The following MAGI1 variants were observed in gnomAD, a reference collection of about 807,000 sequenced individuals.
MAGI1 encodes the protein membrane-associated guanylate kinase, WW and PDZ domain-containing protein 1.
Under a neutral mutation model 139.9 loss-of-function variants are expected in MAGI1, and 58 were observed. That is an observed-to-expected ratio of 0.41 (90% CI 0.34 to 0.52). MAGI1 has a LOEUF of 0.52. MAGI1 is among the 20% of genes least tolerant of loss of function. The pLI, the probability that MAGI1 is intolerant of heterozygous loss-of-function variation, is 0.12. For missense variants in MAGI1, 1,874 were observed against 1,901.6 expected, an observed-to-expected ratio of 0.99 and a Z score of 0.27; for synonymous variants, 812 against 737.9, an observed-to-expected ratio of 1.10 and a Z score of -1.63.
At chr3:65,470,036 T>C (rs1439654238) in intron 5 of MAGI1, 1 of 217,692 alleles carries the variant, frequency 4.6e-6, no homozygotes, top group Non-Finnish European at 9.0e-6. Context: ...AATTTCTATA[T>C]ACCATAATTT....
intron 5 of MAGI1, among the ~76,000 whole-genome samples, chr3:65,467,721 C>G (rs1950259012): frequency 6.6e-6 from 1 of 152,160 alleles, no homozygotes; most frequent in Non-Finnish European, 1.5e-5. Context: ...CAGTCTTGAA[C>G]AAAATTACTG....
At chr3:65,886,031 AC>A (rs1427213822) in intron 1 of MAGI1, among the ~76,000 whole-genome samples, 2 of 152,170 alleles carry the variant, frequency 1.3e-5, no homozygotes, top group Non-Finnish European at 1.5e-5. Context: ...ATATTATCTA[AC>A]TATGCAAACA....
chr3:65,438,732 G>A (rs1411309269), intron 9 of MAGI1, among the ~76,000 whole-genome samples: 3 of 152,222 alleles, frequency 2.0e-5, no homozygotes, highest in Admixed American at 1.3e-4. Context: ...TGGTTGAAAA[G>A]TAATAAAAAG....
rs532340204 is a variant in MAGI1 at position 65,410,784 on chromosome 3, G to T, written c.2168-9314C>A. On this transcript the variant is annotated intron_variant, in intron 12 of 22. Coordinates refer to ENST00000402939, the MANE Select transcript of MAGI1 (RefSeq NM_001033057.2). ...TCACTGGTCATTCAAGGCTACACAT[G>T]CTAAAAATACAACGAGATCAGTCTC... Among the ~76,000 whole-genome samples the T allele has an allele frequency of 8.8e-5, 13 of 147,408 alleles. No individual in the cohort carries two copies. In the East Asian group the frequency reaches 1.7e-3, roughly 20 times the overall value.
At chr3:65,808,689 G>A (rs1343353126) in intron 1 of MAGI1, among the ~76,000 whole-genome samples, 3 of 152,072 alleles carry the variant, frequency 2.0e-5, no homozygotes, top group South Asian at 2.1e-4. Context: ...AGACCTTCAC[G>A]ACACCAACAG....
chr3:65,610,866 ATATAG>A (rs1261749270), intron 2 of MAGI1, among the ~76,000 whole-genome samples: 1 of 140,082 alleles, frequency 7.1e-6, no homozygotes, highest in Non-Finnish European at 1.5e-5. Context: ...CATATACACT[ATATAG>A]TAGATAGTAA....
intron 13 of MAGI1, among the ~76,000 whole-genome samples, chr3:65,400,632 C>T (rs527626005): frequency 6.6e-5 from 10 of 152,134 alleles, no homozygotes; most frequent in Non-Finnish European, 8.8e-5. Context: ...ATTAGTGCCC[C>T]GGGAGCATAA....
intron 2 of MAGI1, among the ~76,000 whole-genome samples, chr3:65,586,684 T>C (rs983836412): frequency 1.3e-5 from 2 of 152,118 alleles, no homozygotes; most frequent in Non-Finnish European, 2.9e-5. Flanking sequence ...TACTAAAATT[T>C]TGCCTAAAGC....
chr3:65,681,172 C>T (rs2087566321), intron 1 of MAGI1, among the ~76,000 whole-genome samples: 1 of 152,146 alleles, frequency 6.6e-6, no homozygotes, highest in South Asian at 2.1e-4. Flanking sequence ...GGCTAAAATG[C>T]CATTATATTT....
intron 22 of MAGI1, chr3:65,358,942 C>A (rs1940493129): frequency 3.3e-6 from 3 of 902,172 alleles, no homozygotes; most frequent in African/African-American, 3.3e-5. Context: ...GTTGTACTTA[C>A]AATTCAAAGA....
chr3:65,919,338 C>T (rs1358548497), intron 1 of MAGI1, among the ~76,000 whole-genome samples: 2 of 152,066 alleles, frequency 1.3e-5, no homozygotes, highest in African/African-American at 2.4e-5. Context: ...TAAGGCAGGA[C>T]GATCGTTTGA....
intron 1 of MAGI1, among the ~76,000 whole-genome samples, chr3:65,906,001 T>C (rs1443712897): frequency 3.9e-5 from 6 of 152,206 alleles, no homozygotes; most frequent in Non-Finnish European, 8.8e-5. Context: ...TAAGGCATTC[T>C]CTTATTAAAA....
chr3:65,609,723 T>C, intron 2 of MAGI1: 1 of 269,150 alleles, frequency 3.7e-6, no homozygotes, highest in Non-Finnish European at 7.7e-6. Context: ...TTGCTAGAAC[T>C]GCAGGTGTGC....
intron 18 of MAGI1, among the ~76,000 whole-genome samples, chr3:65,373,428 T>C (rs1031570968): frequency 3.9e-5 from 6 of 152,098 alleles, no homozygotes; most frequent in Non-Finnish European, 7.4e-5. Context: ...GATATAATAA[T>C]AATTAATACT....
At chr3:65,595,625 A>G (rs1239895424) in intron 2 of MAGI1, among the ~76,000 whole-genome samples, 1 of 152,180 alleles carries the variant, frequency 6.6e-6, no homozygotes, top group African/African-American at 2.4e-5. Context: ...AGACCGATTT[A>G]AGAGCCATAA....
intron 1 of MAGI1, among the ~76,000 whole-genome samples, chr3:65,911,709 TC>T (rs2061677230): frequency 6.6e-6 from 1 of 152,240 alleles, no homozygotes; most frequent in African/African-American, 2.4e-5. Context: ...TATTATGTAT[TC>T]TTACTGTTTT....
intron 2 of MAGI1, among the ~76,000 whole-genome samples, chr3:65,587,247 T>C (rs1016262243): frequency 1.3e-5 from 2 of 152,182 alleles, no homozygotes; most frequent in African/African-American, 2.4e-5. Context: ...CTGAACATCA[T>C]AGCTTAGGCT....
intron 10 of MAGI1, among the ~76,000 whole-genome samples, chr3:65,431,546 T>G (rs529189975): frequency 6.6e-6 from 1 of 152,192 alleles, no homozygotes; most frequent in South Asian, 2.1e-4. Flanking sequence ...GAATTACTGT[T>G]TAAAACAAGT....
At chr3:65,843,734 T>C (rs905925354) in intron 1 of MAGI1, among the ~76,000 whole-genome samples, 1 of 152,168 alleles carries the variant, frequency 6.6e-6, no homozygotes, top group African/African-American at 2.4e-5. Flanking sequence ...TTGTTTTGTT[T>C]TGACATCAAA....
Sources: gnomAD v4.1 joint callset for allele counts (sites outside exome capture counted in the v4.1 genomes callset) on GRCh38, gnomAD v4.1.1 for gene constraint, MANE v1.5 for transcripts, NCBI Gene and HGNC (gene_info 2026-07-23, HGNC 2026-07-21) for gene names.